The following GAD2 variants were observed in gnomAD, a reference collection of about 807,000 sequenced individuals.
GAD2 encodes 65 kDa glutamic acid decarboxylase.
GAD2 carries 22 observed loss-of-function variants against 80.1 expected under a neutral mutation model. The observed-to-expected ratio is 0.27, with a 90% CI of 0.20 to 0.39. The LOEUF is 0.39. GAD2 is among the 10% of genes least tolerant of loss of function. The pLI is 1.00. For missense variants in GAD2, 624 were observed against 738.4 expected (o/e 0.85, Z 1.80); for synonymous variants, 274 against 256.9 (o/e 1.07, Z -0.64).
chr10:26,248,638 G>A (rs746469104), intron 8 of GAD2, among the ~76,000 whole-genome samples: 6 of 152,116 alleles, frequency 3.9e-5, no homozygotes, highest in Non-Finnish European at 7.4e-5. Flanking sequence ...GAAGGAACTC[G>A]TTTCCCTTTA....
chr10:26,298,793 C>T (rs910264294), intron 15 of GAD2, among the ~76,000 whole-genome samples: 4 of 152,168 alleles, frequency 2.6e-5, no homozygotes, highest in Non-Finnish European at 2.9e-5. Context: ...GATTTATCTT[C>T]GCAGGAACCA....
rs987030977 is a variant in GAD2 at position 26,293,172 on chromosome 10, C to CTTTT, written c.1584+201_1584+204dup. Among the ~76,000 whole-genome samples, 690 of 96,388 alleles carry CTTTT rather than the reference C, an allele frequency of 7.2e-3. 10 individuals are homozygous for CTTTT. The highest frequency in any genetic ancestry group is 0.016 in the African/African-American group (390 of 23,830). 63.2% of individuals were successfully genotyped at this position (96,388 alleles called of 152,430 possible). A position where few individuals can be genotyped will look rare whatever the true frequency, so the allele number is the denominator to read the frequency against. On this transcript the variant is annotated intron_variant, in intron 15 of 15. Coordinates refer to ENST00000376261, the MANE Select transcript of GAD2 (RefSeq NM_001134366.2). ...CCTGATATATGCAGACATTTTTCTTCTTTTTTTTTTTTTTTTTTTTTTTGA... is the reference window on the plus strand; with the variant it reads ...CCTGATATATGCAGACATTTTTCTTCTTTTTTTTTTTTTTTTTTTTTTTTTTTGA...
intron 5 of GAD2, 80 bp from the exon 6 acceptor site, chr10:26,224,459 A>C (rs1358054920): frequency 2.3e-6 from 2 of 862,688 alleles, no homozygotes; most frequent in Non-Finnish European, 3.9e-6. Flanking sequence ...GAAAAAGGAA[A>C]TAGTTCTGTA....
At chr10:26,294,491 A>G (rs1213294070) in intron 15 of GAD2, among the ~76,000 whole-genome samples, 1 of 152,204 alleles carries the variant, frequency 6.6e-6, no homozygotes, top group African/African-American at 2.4e-5. Context: ...AAACTTCATA[A>G]AAGACACTAG....
At chr10:26,291,240 A>C (rs1276354164) in intron 13 of GAD2, among the ~76,000 whole-genome samples, 1 of 152,218 alleles carries the variant, frequency 6.6e-6, no homozygotes, top group African/African-American at 2.4e-5. Flanking sequence ...TTCTACCTAC[A>C]GTCCATCCCA....
intron 15 of GAD2, among the ~76,000 whole-genome samples, chr10:26,293,368 G>A (rs1441497101): frequency 6.6e-6 from 1 of 151,736 alleles, no homozygotes; most frequent in Non-Finnish European, 1.5e-5. Flanking sequence ...AGTAGAGATG[G>A]GGTTTCAATA....
At position 26,292,969 on chromosome 10, in the gene GAD2, A is replaced by G. The variant is rs745888753; in HGVS notation, c.1562A>G (p.Glu521Gly). 1 of 1,613,742 alleles carries G rather than the reference A, an allele frequency of 6.2e-7. No individual in the cohort carries two copies. Among genetic ancestry groups the G allele is most frequent in the African/African-American group, 1.3e-5 (1 of 75,034 alleles). ...PSLRTLEDNE[E>G]RMSRLSKVAP... ...TTGCGTACTCTGGAAGACAATGAAG[A>G]GAGAATGAGTCGCCTCTCGAAGGTC... Residue 521 changes from glutamate (E) to glycine (G), a missense_variant, in exon 15 of 16, where the codon GAG (glutamate) becomes GGG (glycine). Transcript: ENST00000376261.
chr10:26,275,375 T>C (rs1845188259), intron 11 of GAD2, among the ~76,000 whole-genome samples: 1 of 152,160 alleles, frequency 6.6e-6, no homozygotes, highest in South Asian at 2.1e-4. Context: ...CCCTGAGCCT[T>C]AGAAAAATAA....
rs2132266892 is a variant in GAD2, at chr10:26,216,917, G to A, written c.76+32G>A. 1.3e-6 allele frequency: 2 copies of A among 1,581,142 alleles called. No individual in the cohort carries two copies. Among genetic ancestry groups the A allele is most frequent in the South Asian group, 1.1e-5 (1 of 89,248 alleles). Reference sequence around the variant, plus strand: ...AGGAGAACGGGGGCCTGCGGCGGGCGAGTTTTGCGGTGGTCTGGGGTTTGC... The same window carrying A: ...AGGAGAACGGGGGCCTGCGGCGGGCAAGTTTTGCGGTGGTCTGGGGTTTGC... On this transcript the variant is annotated intron_variant, in intron 1 of 15. Coordinates refer to ENST00000376261, the MANE Select transcript of GAD2 (RefSeq NM_001134366.2). This position sits in a 1 kb window ranked among gnomAD's most constrained non-coding sequence, Gnocchi z 4.7.
intron 13 of GAD2, among the ~76,000 whole-genome samples, chr10:26,287,316 A>T (rs1215740893): frequency 6.6e-6 from 1 of 152,196 alleles, no homozygotes; most frequent in Non-Finnish European, 1.5e-5. Flanking sequence ...GTTCGAGGAA[A>T]CCTGACATAA....
chr10:26,234,483 G>A (rs1330453318), intron 7 of GAD2, among the ~76,000 whole-genome samples: 1 of 152,116 alleles, frequency 6.6e-6, no homozygotes, highest in African/African-American at 2.4e-5. Context: ...TACCAACACT[G>A]CTCTTTATAA....
intron 8 of GAD2, among the ~76,000 whole-genome samples, chr10:26,252,876 T>C (rs1196200729): frequency 1.3e-5 from 2 of 151,916 alleles, no homozygotes; most frequent in East Asian, 3.9e-4. Context: ...CAGGCTGCTC[T>C]CGGACTCCTG....
intron 13 of GAD2, among the ~76,000 whole-genome samples, chr10:26,288,802 C>T (rs1399214208): frequency 6.6e-6 from 1 of 152,134 alleles, no homozygotes; most frequent in African/African-American, 2.4e-5. Flanking sequence ...TCAGTTTCTG[C>T]TGCTCCCTTT....
intron 7 of GAD2, among the ~76,000 whole-genome samples, chr10:26,233,188 C>T (rs574882691): frequency 6.6e-6 from 1 of 152,314 alleles, no homozygotes; most frequent in African/African-American, 2.4e-5. Flanking sequence ...ACTGGGTTTA[C>T]TGGGTCCAAG....
intron 10 of GAD2, 148 bp downstream of exon 10, chr10:26,270,904 A>T: frequency 1.5e-6 from 1 of 688,508 alleles, no homozygotes; most frequent in South Asian, 1.7e-5. Flanking sequence ...GGATGAAGCA[A>T]ATTAGCACAC....
Position 26,238,005 on chromosome 10 carries a change from G to GACACACAC in GAD2, c.841-7880_841-7873dup, listed in dbSNP as rs58551669. On this transcript the variant is annotated intron_variant, in intron 7 of 15. Transcript: ENST00000376261. ...TGACAGGGCGAGACTCCATCACACA[G>GACACACAC]ACACACACACACACACACACACACA... Among the ~76,000 whole-genome samples the GACACACAC allele has an allele frequency of 3.1e-3, 366 of 118,270 alleles. 2 individuals are homozygous for GACACACAC. The highest frequency in any genetic ancestry group is 0.011 in the African/African-American group (297 of 26,466). 77.6% of individuals were successfully genotyped at this position (118,270 alleles called of 152,430 possible).
At chr10:26,262,250 A>T (rs943935584) in intron 8 of GAD2, among the ~76,000 whole-genome samples, 7 of 143,608 alleles carry the variant, frequency 4.9e-5, no homozygotes, top group South Asian at 2.2e-4. Flanking sequence ...CTTTTCTCCC[A>T]CTTATTTCTT....
At chr10:26,285,062 T>C (rs953208874) in intron 12 of GAD2, among the ~76,000 whole-genome samples, 3 of 152,150 alleles carry the variant, frequency 2.0e-5, no homozygotes, top group African/African-American at 2.4e-5. Context: ...TAAAAGTGAG[T>C]GTTGCAAATT....
intron 13 of GAD2, among the ~76,000 whole-genome samples, chr10:26,289,292 T>C (rs2132317991): frequency 6.6e-6 from 1 of 152,218 alleles, no homozygotes; most frequent in South Asian, 2.1e-4. Flanking sequence ...GAGGAAACAA[T>C]CTGGAAAAGA....
Sources: gnomAD v4.1 joint callset for allele counts (sites outside exome capture counted in the v4.1 genomes callset) on GRCh38, gnomAD v4.1.1 for gene constraint, Gnocchi (gnomAD v3.1) non-coding constraint, MANE v1.5 for transcripts, NCBI Gene and HGNC (gene_info 2026-07-23, HGNC 2026-07-21) for gene names.